Variants in CNTNAP5 observed in about 807,000 individuals in gnomAD.
CNTNAP5 encodes the protein contactin-associated protein-like 5.
A neutral mutation model predicts 150.2 loss-of-function variants in CNTNAP5; 72 were observed. That is an observed-to-expected ratio of 0.48 (90% confidence interval 0.40 to 0.58). CNTNAP5 has a LOEUF of 0.58. Among genes scored for constraint, CNTNAP5 ranks in the 20% least tolerant of loss-of-function variants. The probability of loss-of-function intolerance (pLI) is 0.00; values close to 1 mark genes in which losing one functional copy is unlikely to be tolerated. For synonymous variants in CNTNAP5, 672 were observed against 619.8 expected (o/e 1.08, Z -1.25); for missense variants, 1,636 against 1,626.2 (o/e 1.01, Z -0.10).
At chr2:124,164,147 A>T (rs1425602587) in intron 1 of CNTNAP5, among the ~76,000 whole-genome samples, 1 of 152,232 alleles carries the variant, frequency 6.6e-6, no homozygotes. Context: ...TCATTCAAAG[A>T]GGTGTGTTCA....
chr2:124,703,454 T>C (rs573774722), intron 13 of CNTNAP5, among the ~76,000 whole-genome samples: 2 of 152,292 alleles, frequency 1.3e-5, no homozygotes, highest in Admixed American at 6.5e-5. Flanking sequence ...CCAATAGTGA[T>C]ACTTTAACAA....
At chr2:124,837,854 A>G (rs1459598029) in intron 19 of CNTNAP5, among the ~76,000 whole-genome samples, 2 of 152,114 alleles carry the variant, frequency 1.3e-5, no homozygotes, top group Non-Finnish European at 2.9e-5. Context: ...CATTCAATTG[A>G]TATCAATTGG....
At chr2:124,160,311 A>G (rs1684645131) in intron 1 of CNTNAP5, among the ~76,000 whole-genome samples, 1 of 152,146 alleles carries the variant, frequency 6.6e-6, no homozygotes, top group Admixed American at 6.6e-5. Flanking sequence ...CCTTCAGTGG[A>G]TTGAATAAGA....
chr2:124,550,576 A>C (rs1007514968), intron 10 of CNTNAP5, among the ~76,000 whole-genome samples: 1 of 152,110 alleles, frequency 6.6e-6, no homozygotes, highest in African/African-American at 2.4e-5. Context: ...GATGCTGAAC[A>C]AAAGCCTGTG....
intron 7 of CNTNAP5, among the ~76,000 whole-genome samples, chr2:124,484,103 A>C (rs1173647607): frequency 6.6e-6 from 1 of 152,232 alleles, no homozygotes; most frequent in Non-Finnish European, 1.5e-5. Context: ...CCACTGCACC[A>C]GGTGGCAAGA....
chr2:124,235,938 C>T (rs1411861025), intron 2 of CNTNAP5, among the ~76,000 whole-genome samples: 27 of 126,100 alleles, frequency 2.1e-4, no homozygotes, highest in African/African-American at 9.2e-4. Flanking sequence ...GGCAAGTTCC[C>T]ACTTATTTAT....
chr2:124,333,689 T>C (rs1285740550), intron 3 of CNTNAP5, among the ~76,000 whole-genome samples: 2 of 152,102 alleles, frequency 1.3e-5, no homozygotes, highest in Non-Finnish European at 1.5e-5. Flanking sequence ...TTTCAATTCA[T>C]TTTTTGTTTC....
At chr2:124,712,937 T>C (rs534875371) in intron 13 of CNTNAP5, among the ~76,000 whole-genome samples, 2 of 152,220 alleles carry the variant, frequency 1.3e-5, no homozygotes, top group East Asian at 3.9e-4. Context: ...TAAAGGGCAC[T>C]GATCCCATTA....
Position 124,694,649 on chromosome 2 carries a change from A to C in CNTNAP5, c.2077+46691A>C, listed in dbSNP as rs111564744. 1.4e-4 allele frequency among the ~76,000 whole-genome samples: 21 copies of C among 152,338 alleles called. 1 individual carries two copies. Among genetic ancestry groups the C allele is most frequent in the African/African-American group, 4.8e-4 (20 of 41,592 alleles). On this transcript the variant is annotated intron_variant, in intron 13 of 23. Transcript: ENST00000682447. ...AAAAATGTGAATGTGTCTAGATACA[A>C]GCTTATTATAAATTTACTGGCATAG...
chr2:124,109,312 A>G (rs551762873), intron 1 of CNTNAP5, among the ~76,000 whole-genome samples: 1 of 152,074 alleles, frequency 6.6e-6, no homozygotes, highest in African/African-American at 2.4e-5. Context: ...CTCAGCCCTC[A>G]CCTCACACAG....
Position 124,523,403 on chromosome 2 carries a change from A to G in CNTNAP5, c.1328-900A>G, listed in dbSNP as rs572924361. On this transcript the variant is annotated intron_variant, in intron 8 of 23. Coordinates refer to ENST00000682447, the MANE Select transcript of CNTNAP5 (RefSeq NM_001367498.1). ...AAGTCTTTGTGACCAATCAGTTAAT[A>G]TGACTTTATTTTCTCAGCAAGCACT... 3.7e-4 allele frequency among the ~76,000 whole-genome samples: 57 copies of G among 152,318 alleles called. No individual in the cohort carries two copies. In the South Asian group the frequency reaches 0.011, roughly 30 times the overall value.
Position 124,272,151 on chromosome 2 carries a change from C to T in CNTNAP5, c.381+29758C>T, listed in dbSNP as rs147240551. Among the ~76,000 whole-genome samples the T allele has an allele frequency of 1.8e-3, 270 of 151,964 alleles. 7 individuals are homozygous for T. The East Asian group carries it at 0.026, about 15-fold the overall frequency. ...GTGACATAAACTTATTTTTCTTGTC[C>T]TCCACATTTGAGACTTTGCTATAGA... is the stretch of plus-strand genomic sequence containing the variant. On this transcript the variant is annotated intron_variant, in intron 3 of 23. Transcript: ENST00000682447.
At chr2:124,381,694 C>T (rs1690799969) in intron 3 of CNTNAP5, among the ~76,000 whole-genome samples, 1 of 151,958 alleles carries the variant, frequency 6.6e-6, no homozygotes. Context: ...CACCTATGAG[C>T]CTGGGAGAGG....
intron 3 of CNTNAP5, among the ~76,000 whole-genome samples, chr2:124,320,380 T>C (rs1689069909): frequency 6.6e-6 from 1 of 152,174 alleles, no homozygotes; most frequent in Admixed American, 6.5e-5. Context: ...GTCACTGTAA[T>C]TTGCATTTCC....
intron 1 of CNTNAP5, among the ~76,000 whole-genome samples, chr2:124,061,918 C>T (rs1682019519): frequency 6.6e-6 from 1 of 152,164 alleles, no homozygotes; most frequent in Admixed American, 6.5e-5. Context: ...CATGATCCTA[C>T]TATCCAATGA....
chr2:124,535,994 T>C (rs1297444812), intron 10 of CNTNAP5, among the ~76,000 whole-genome samples: 1 of 152,100 alleles, frequency 6.6e-6, no homozygotes, highest in Admixed American at 6.6e-5. Context: ...ATAAAAAGAT[T>C]ACATTGCGCG....
rs569960079 is a variant in CNTNAP5 at position 124,905,095 on chromosome 2, G to A, written c.3655+1995G>A. On this transcript the variant is annotated intron_variant, in intron 22 of 23. Coordinates refer to ENST00000682447, the MANE Select transcript of CNTNAP5 (RefSeq NM_001367498.1). ...AAAAACACTTCAAAAAATAGGCAAA[G>A]GATGTGAATAGTTTTTTTTTGTTTT... Among the ~76,000 whole-genome samples, 5 of 145,694 alleles carry A rather than the reference G, an allele frequency of 3.4e-5. No homozygotes were observed. In the East Asian group the frequency reaches 1.0e-3, roughly 29 times the overall value.
intron 3 of CNTNAP5, among the ~76,000 whole-genome samples, chr2:124,278,332 T>C (rs1174268646): frequency 6.6e-6 from 1 of 152,130 alleles, no homozygotes; most frequent in Non-Finnish European, 1.5e-5. Context: ...GAAGTGATAA[T>C]TCGATTAAAA....
intron 17 of CNTNAP5, among the ~76,000 whole-genome samples, chr2:124,788,676 C>T (rs1226374463): frequency 2.0e-5 from 3 of 150,826 alleles, no homozygotes; most frequent in Non-Finnish European, 4.4e-5. Context: ...TCTCGGCTCA[C>T]TGTAGCCTCC....
Sources: gnomAD v4.1 joint callset for allele counts (sites outside exome capture counted in the v4.1 genomes callset) on GRCh38, gnomAD v4.1.1 for gene constraint, MANE v1.5 for transcripts, NCBI Gene and HGNC (gene_info 2026-07-23, HGNC 2026-07-21) for gene names.